AGBL4: variants seen among roughly 807,000 people sequenced by gnomAD.
The protein encoded by AGBL4 is AGBL carboxypeptidase 4, also known as cytosolic carboxypeptidase 6.
Under a neutral mutation model 66.4 loss-of-function variants are expected in AGBL4, and 58 were observed. The ratio of observed to expected loss-of-function variants is 0.87; its 90% confidence interval spans 0.71 to 1.09. The LOEUF (loss-of-function observed/expected upper bound fraction) is 1.09, where lower values mean the gene tolerates loss of function less well. Among genes scored for constraint, AGBL4 ranks in the 50% least tolerant of loss-of-function variants. The probability of loss-of-function intolerance (pLI) is 0.00; values close to 1 mark genes in which losing one functional copy is unlikely to be tolerated. For missense variants in AGBL4, 579 were observed against 631.0 expected, an observed-to-expected ratio of 0.92 and a Z score of 0.88; for synonymous variants, 234 against 222.9, an observed-to-expected ratio of 1.05 and a Z score of -0.44.
chr1:48,691,113 G>A (rs966723377), intron 6 of AGBL4, among the ~76,000 whole-genome samples: 3 of 145,904 alleles, frequency 2.1e-5, no homozygotes, highest in African/African-American at 7.6e-5. Context: ...AACTGAGATG[G>A]CGTCCCTGCA....
intron 2 of AGBL4, among the ~76,000 whole-genome samples, chr1:49,815,400 T>G (rs1645206806): frequency 6.6e-6 from 1 of 152,214 alleles, no homozygotes; most frequent in Admixed American, 6.5e-5. Flanking sequence ...TGTCACATTT[T>G]CTTTATCCAT....
intron 2 of AGBL4, among the ~76,000 whole-genome samples, chr1:49,750,134 AC>A (rs1241007113): frequency 1.3e-5 from 2 of 152,188 alleles, no homozygotes; most frequent in African/African-American, 2.4e-5. Flanking sequence ...TGGATCATAT[AC>A]CCAAATGTAA....
intron 3 of AGBL4, among the ~76,000 whole-genome samples, chr1:49,589,570 A>G (rs148997171): frequency 9.9e-5 from 15 of 152,074 alleles, no homozygotes; most frequent in Admixed American, 9.8e-4. Flanking sequence ...ATCACCATAA[A>G]TGTACATCAA....
chr1:48,780,079 C>A (rs1425778579), intron 6 of AGBL4, among the ~76,000 whole-genome samples: 1 of 150,836 alleles, frequency 6.6e-6, no homozygotes, highest in African/African-American at 2.5e-5. Context: ...GCAAAACATG[C>A]AGGTTTGTTA....
intron 1 of AGBL4, among the ~76,000 whole-genome samples, chr1:49,857,650 G>C (rs988727377): frequency 6.6e-6 from 1 of 152,106 alleles, no homozygotes; most frequent in Non-Finnish European, 1.5e-5. Context: ...TTAATAAATG[G>C]TGCTGTGAAA....
chr1:49,564,042 G>A (rs902155712), intron 3 of AGBL4, among the ~76,000 whole-genome samples: 1 of 152,230 alleles, frequency 6.6e-6, no homozygotes, highest in East Asian at 1.9e-4. Context: ...TCTTGGGAGG[G>A]TGTATGTGTC....
At chr1:49,747,314 C>T (rs1328435843) in intron 2 of AGBL4, among the ~76,000 whole-genome samples, 1 of 152,110 alleles carries the variant, frequency 6.6e-6, no homozygotes, top group Non-Finnish European at 1.5e-5. Flanking sequence ...ATCTCCAGGA[C>T]TTATTACAGC....
intron 4 of AGBL4, among the ~76,000 whole-genome samples, chr1:49,120,682 C>A (rs1368659979): frequency 1.3e-5 from 2 of 152,078 alleles, no homozygotes; most frequent in African/African-American, 4.8e-5. Context: ...AATTATGTGT[C>A]TTGGGGTTGC....
chr1:49,641,649 AAG>A (rs1645783297), intron 3 of AGBL4, among the ~76,000 whole-genome samples: 1 of 152,028 alleles, frequency 6.6e-6, no homozygotes. Flanking sequence ...AAAACTTTTA[AAG>A]AGAGTCTCTT....
intron 3 of AGBL4, among the ~76,000 whole-genome samples, chr1:49,684,279 A>C (rs1646748786): frequency 6.6e-6 from 1 of 152,166 alleles, no homozygotes; most frequent in Admixed American, 6.5e-5. Flanking sequence ...ATCAGCCAAA[A>C]ACCCATAGCT....
At chr1:48,560,534 T>A (rs967764045) in intron 11 of AGBL4, among the ~76,000 whole-genome samples, 1 of 152,174 alleles carries the variant, frequency 6.6e-6, no homozygotes, top group African/African-American at 2.4e-5. Flanking sequence ...GAAATCTGGC[T>A]CTAGATCATG....
At chr1:49,130,331 G>A (rs1569736450) in intron 4 of AGBL4, among the ~76,000 whole-genome samples, 1 of 152,144 alleles carries the variant, frequency 6.6e-6, no homozygotes, top group South Asian at 2.1e-4. Context: ...GATCCCATTT[G>A]TCAATTTTGG....
chr1:49,546,268 T>C (rs1652474393), intron 3 of AGBL4, among the ~76,000 whole-genome samples: 1 of 151,740 alleles, frequency 6.6e-6, no homozygotes, highest in African/African-American at 2.4e-5. Flanking sequence ...TGTATATATA[T>C]GTGTATATAT....
At chr1:49,334,608 A>G (rs1645397853) in intron 3 of AGBL4, among the ~76,000 whole-genome samples, 1 of 152,176 alleles carries the variant, frequency 6.6e-6, no homozygotes, top group African/African-American at 2.4e-5. Context: ...TTTAATGAAG[A>G]TCGTATGGTC....
At chr1:49,140,376 G>A (rs567520175) in intron 4 of AGBL4, among the ~76,000 whole-genome samples, 3 of 152,276 alleles carry the variant, frequency 2.0e-5, no homozygotes, top group Middle Eastern at 3.4e-3. Context: ...CAGAAGCCAG[G>A]CCCTTCTCCA....
At chr1:49,754,310 A>G (rs908470165) in intron 2 of AGBL4, among the ~76,000 whole-genome samples, 6 of 137,384 alleles carry the variant, frequency 4.4e-5, no homozygotes, top group African/African-American at 1.4e-4. Context: ...TTTTTTTATT[A>G]TTATACTCTA....
intron 3 of AGBL4, among the ~76,000 whole-genome samples, chr1:49,332,042 G>A (rs1354283667): frequency 6.6e-6 from 1 of 152,210 alleles, no homozygotes; most frequent in African/African-American, 2.4e-5. Flanking sequence ...CAAGCACAGA[G>A]GGGCTGCTTT....
chr1:49,943,951 T>C (rs879692213), intron 1 of AGBL4, among the ~76,000 whole-genome samples: 6 of 151,964 alleles, frequency 3.9e-5, no homozygotes, highest in South Asian at 2.1e-4. Flanking sequence ...GGAGAGGGCA[T>C]TGTGGGAGTA....
chr1:48,619,925 G>A (rs138728174), intron 9 of AGBL4, among the ~76,000 whole-genome samples: 1 of 152,228 alleles, frequency 6.6e-6, no homozygotes, highest in Non-Finnish European at 1.5e-5. Flanking sequence ...CTAGAGTATC[G>A]CATTTACTGA....
Sources: gnomAD v4.1 joint callset for allele counts (sites outside exome capture counted in the v4.1 genomes callset) on GRCh38, gnomAD v4.1.1 for gene constraint, MANE v1.5 for transcripts, NCBI Gene and HGNC (gene_info 2026-07-23, HGNC 2026-07-21) for gene names.